Variants in HLA-DPA1 observed in about 807,000 individuals in gnomAD.
HLA-DPA1 encodes HLA class II histocompatibility antigen, DP alpha 1 chain.
In HLA-DPA1, 20 loss-of-function variants were observed where a neutral mutation model predicts 21.5. The ratio of observed to expected loss-of-function variants is 0.93; its 90% CI spans 0.66 to 1.35. HLA-DPA1 has a LOEUF of 1.35. Among genes scored for constraint, HLA-DPA1 ranks in the 40% most tolerant of loss-of-function variants. The pLI, the probability that HLA-DPA1 is intolerant of heterozygous loss-of-function variation, is 0.00. For missense variants in HLA-DPA1, 279 were observed against 323.0 expected (o/e 0.86, Z 1.05); for synonymous variants, 123 against 129.6 (o/e 0.95, Z 0.35).
exon 2 of HLA-DPA1, chr6:33,073,491 C>T (rs754337130): frequency 5.0e-6 from 8 of 1,612,392 alleles, no homozygotes; most frequent in Non-Finnish European, 5.9e-6. Context: ...CCCAGCTCCT[C>T]GGAGACTCAG....
intron 1 of HLA-DPA1, chr6:33,073,886 T>A: frequency 3.5e-6 from 1 of 282,714 alleles, no homozygotes; most frequent in South Asian, 9.9e-5. Context: ...CACCTTCTTC[T>A]GACGGCAAAT....
rs148200921 is a variant in HLA-DPA1 at position 33,070,106 on chromosome 6, G to A, written c.101-220C>T. Among the ~76,000 whole-genome samples, 542 of 152,326 alleles carry A rather than the reference G, an allele frequency of 3.6e-3. 3 individuals carry two copies. Among genetic ancestry groups the A allele is most frequent in the East Asian group, 0.026 (133 of 5,184 alleles). ...AAAGGAGCAAAGAACAAAATGAAAA[G>A]TTTATCACTGATAAGTCAAGCTGCT... On this transcript the variant is annotated intron_variant, in intron 2 of 5. Coordinates refer to ENST00000419277, the Ensembl canonical transcript of HLA-DPA1.
intron 2 of HLA-DPA1, 46 bp from the exon 2 acceptor site, chr6:33,069,932 A>G: frequency 1.9e-6 from 3 of 1,564,424 alleles, no homozygotes; most frequent in East Asian, 2.3e-5. Context: ...GTCAGTTTGA[A>G]TATGCAAGTG....
At chr6:33,071,848 T>C (rs9277341) in intron 2 of HLA-DPA1, among the ~76,000 whole-genome samples, 65,595 of 151,924 alleles carry the variant, frequency 0.43, 16,517 homozygotes, top group East Asian at 0.83. Flanking sequence ...ATACTGAGTT[T>C]ACTGTGGGGC....
chr6:33,074,946 G>T (rs912451497), intron 1 of HLA-DPA1, among the ~76,000 whole-genome samples: 3 of 152,124 alleles, frequency 2.0e-5, no homozygotes, highest in Admixed American at 2.0e-4. Flanking sequence ...TTACATGCTA[G>T]CCTTCTATTT....
exon 3 of HLA-DPA1, chr6:33,069,667 C>T (rs149086826): frequency 2.7e-5 from 44 of 1,612,444 alleles, no homozygotes; most frequent in Admixed American, 3.3e-5. Context: ...GTGGTTGGAA[C>T]GCTGGATCAA....
chr6:33,078,614 G>A (rs1028666603), intron 1 of HLA-DPA1, among the ~76,000 whole-genome samples: 1 of 139,990 alleles, frequency 7.1e-6, no homozygotes, highest in Non-Finnish European at 1.5e-5. Context: ...ACAGGATAAA[G>A]TTTCTTATAT....
rs566020840 is a variant in HLA-DPA1, at chr6:33,069,395, G to A, written c.347-95C>T. Reference sequence around the variant, plus strand: ...AGGGTGGTCCTCTACCTCAGCCTTAGATTTTATGGCAGCTCTGAATCACAG... The same window carrying A: ...AGGGTGGTCCTCTACCTCAGCCTTAAATTTTATGGCAGCTCTGAATCACAG... On this transcript the variant is annotated intron_variant, in intron 3 of 5. Transcript: ENST00000419277. 4.8e-5 allele frequency: 61 copies of A among 1,282,508 alleles called. No homozygotes were observed. The African/African-American group carries it at 9.1e-4, about 19-fold the overall frequency. 79.4% of individuals were successfully genotyped at this position (1,282,508 alleles called of 1,614,324 possible). A position where few individuals can be genotyped will look rare whatever the true frequency, so the allele number is the denominator to read the frequency against.
At chr6:33,079,587 G>A (rs998348127) in intron 1 of HLA-DPA1, 15 of 423,436 alleles carry the variant, frequency 3.5e-5, no homozygotes, top group East Asian at 1.3e-4. Context: ...AGTAGGGTTC[G>A]TAGAAGGTCC....
At chr6:33,076,386 TG>T (rs200692832) in intron 1 of HLA-DPA1, among the ~76,000 whole-genome samples, 3,199 of 152,252 alleles carry the variant, frequency 0.021, 57 homozygotes, top group African/African-American at 0.033. Flanking sequence ...TCAGTGTCTT[TG>T]GGGAAAATGG....
chr6:33,069,909 A>G (rs1380105878), intron 2 of HLA-DPA1, 23 bp from the exon 2 acceptor site: 1 of 1,598,426 alleles, frequency 6.3e-7, no homozygotes, highest in African/African-American at 1.4e-5. Flanking sequence ...AGTAGAGAAA[A>G]ACACGACAAA....
chr6:33,074,012 T>C (rs185142385), intron 1 of HLA-DPA1, among the ~76,000 whole-genome samples: 1 of 152,338 alleles, frequency 6.6e-6, no homozygotes, highest in Non-Finnish European at 1.5e-5. Context: ...TTGTCAATAT[T>C]TTACAAAAAT....
In HLA-DPA1 at chr6:33,073,216, G is replaced by A. The variant is rs139919995; in HGVS notation, c.100+255C>T. Among the ~76,000 whole-genome samples, 542 of 152,230 alleles carry A rather than the reference G, an allele frequency of 3.6e-3. 3 individuals carry two copies. Among genetic ancestry groups the A allele is most frequent in the East Asian group, 0.026 (133 of 5,190 alleles). On this transcript the variant is annotated intron_variant, in intron 2 of 5. Coordinates refer to ENST00000419277, the Ensembl canonical transcript of HLA-DPA1. ...TTTTCAAAATAATTTCTAAATAAAA[G>A]GAATAATTTCTAAATGAATGGAATA...
chr6:33,077,225 C>T (rs1762588422), intron 1 of HLA-DPA1, among the ~76,000 whole-genome samples: 1 of 152,034 alleles, frequency 6.6e-6, no homozygotes. Flanking sequence ...CAGCTTCCTC[C>T]ATGTCCCTAC....
At chr6:33,073,313 C>A in intron 2 of HLA-DPA1, 158 bp downstream of exon 1, 1 of 574,824 alleles carries the variant, frequency 1.7e-6, no homozygotes. Context: ...TAAATTCTGG[C>A]TGTTATTGCT....
At chr6:33,070,095 C>T (rs1029501998) in intron 2 of HLA-DPA1, among the ~76,000 whole-genome samples, 4 of 152,116 alleles carry the variant, frequency 2.6e-5, no homozygotes, top group African/African-American at 9.7e-5. Context: ...GAGCAAAGAA[C>T]AAAATGAAAA....
exon 2 of HLA-DPA1, chr6:33,073,636 A>C: frequency 3.5e-6 from 4 of 1,129,630 alleles, no homozygotes; most frequent in Non-Finnish European, 5.4e-6. Flanking sequence ...GGCCGAGTGG[A>C]GGCAGATGAG....
chr6:33,077,941 A>C (rs1762630652), intron 1 of HLA-DPA1, among the ~76,000 whole-genome samples: 1 of 152,184 alleles, frequency 6.6e-6, no homozygotes, highest in African/African-American at 2.4e-5. Flanking sequence ...AAGGGTGCTG[A>C]GAACTAACCA....
intron 3 of HLA-DPA1, 68 bp downstream of exon 2, chr6:33,069,573 G>A (rs1225735872): frequency 1.3e-6 from 2 of 1,579,182 alleles, no homozygotes; most frequent in Non-Finnish European, 1.7e-6. Context: ...CCTAGTCTGA[G>A]GGTGGCAGAG....
Sources: allele counts gnomAD v4.1 joint callset (sites outside exome capture counted in the v4.1 genomes callset), GRCh38; gene constraint gnomAD v4.1.1; transcripts MANE v1.5; gene names NCBI Gene and HGNC (gene_info 2026-07-23, HGNC 2026-07-21).